The following MME variants were observed in gnomAD, a reference collection of about 807,000 sequenced individuals.
MME encodes neprilysin.
MME carries 98 observed loss-of-function variants against 113.2 expected under a neutral mutation model. That is an observed-to-expected ratio of 0.87 (90% confidence interval 0.74 to 1.02). MME has a LOEUF of 1.02. Ranked by LOEUF, MME falls within the 50% of genes least tolerant of loss-of-function variation. MME has a pLI of 0.00. For missense variants in MME, 836 were observed against 896.0 expected, an observed-to-expected ratio of 0.93 and a Z score of 0.86; for synonymous variants, 292 against 300.6, an observed-to-expected ratio of 0.97 and a Z score of 0.30.
intron 8 of MME, among the ~76,000 whole-genome samples, chr3:155,126,760 G>C (rs1719694428): frequency 6.6e-6 from 1 of 152,034 alleles, no homozygotes; most frequent in Non-Finnish European, 1.5e-5. Context: ...TGCACTTTGG[G>C]AGGCCAAGGC....
chr3:155,152,359 C>T (rs1204361779), intron 16 of MME, among the ~76,000 whole-genome samples: 2 of 152,104 alleles, frequency 1.3e-5, no homozygotes, highest in Non-Finnish European at 2.9e-5. Context: ...GGTCAAAGTA[C>T]CAGTACATTT....
intron 16 of MME, among the ~76,000 whole-genome samples, chr3:155,149,942 GAA>G (rs1174257744): frequency 6.6e-6 from 1 of 152,184 alleles, no homozygotes; most frequent in Non-Finnish European, 1.5e-5. Context: ...ATCTGGGAAA[GAA>G]AGAGAGTGAA....
At chr3:155,074,535 G>A (rs948634983) in intron 1 of MME, among the ~76,000 whole-genome samples, 4 of 151,736 alleles carry the variant, frequency 2.6e-5, no homozygotes, top group African/African-American at 4.8e-5. Context: ...ACATTCAAGC[G>A]ATTCTCCTAC....
chr3:155,096,342 T>G (rs541303639), intron 3 of MME, among the ~76,000 whole-genome samples: 4 of 152,184 alleles, frequency 2.6e-5, no homozygotes, highest in Non-Finnish European at 5.9e-5. Flanking sequence ...AATAACATTT[T>G]GGTGCCCCTG....
intron 15 of MME, among the ~76,000 whole-genome samples, chr3:155,147,643 C>A (rs1434795066): frequency 1.3e-5 from 2 of 152,124 alleles, no homozygotes; most frequent in African/African-American, 4.8e-5. Flanking sequence ...ACAAAACAAA[C>A]CCTGATATTT....
chr3:155,129,864 C>T (rs1423766170), intron 8 of MME, among the ~76,000 whole-genome samples: 1 of 152,166 alleles, frequency 6.6e-6, no homozygotes, highest in African/African-American at 2.4e-5. Context: ...TTCCCATTCA[C>T]AAAATTTGTA....
intron 1 of MME, among the ~76,000 whole-genome samples, chr3:155,057,573 T>C (rs1248110101): frequency 6.6e-6 from 1 of 152,106 alleles, no homozygotes; most frequent in African/African-American, 2.4e-5. Flanking sequence ...TGTCCCACTG[T>C]AGTGAGCTCT....
intron 3 of MME, among the ~76,000 whole-genome samples, chr3:155,101,695 C>T (rs548641263): frequency 6.6e-6 from 1 of 152,286 alleles, no homozygotes; most frequent in South Asian, 2.1e-4. Flanking sequence ...TCAACACACA[C>T]CATCTGCTGG....
chr3:155,114,154 C>T (rs778952825), intron 3 of MME, among the ~76,000 whole-genome samples: 2 of 152,154 alleles, frequency 1.3e-5, no homozygotes, highest in Non-Finnish European at 2.9e-5. Flanking sequence ...CATTGCAAAA[C>T]AGTTCAACTT....
At chr3:155,030,852 A>G (rs1440255017) in intron 1 of MME, among the ~76,000 whole-genome samples, 1 of 152,206 alleles carries the variant, frequency 6.6e-6, no homozygotes, top group Non-Finnish European at 1.5e-5. Flanking sequence ...TGCCCCACAG[A>G]TGGAGAGACC....
intron 16 of MME, among the ~76,000 whole-genome samples, chr3:155,150,882 A>G (rs1029324565): frequency 6.6e-6 from 1 of 152,218 alleles, no homozygotes; most frequent in African/African-American, 2.4e-5. Flanking sequence ...AATTGCATCA[A>G]ATCATTAAGA....
intron 1 of MME, among the ~76,000 whole-genome samples, chr3:155,059,625 A>C (rs1714070135): frequency 6.6e-6 from 1 of 152,164 alleles, no homozygotes; most frequent in African/African-American, 2.4e-5. Context: ...CTATCGGCCT[A>C]TTTCATTTAT....
Position 155,138,255 on chromosome 3 carries a change from T to C in MME, c.855+19T>C, listed in dbSNP as rs201045219. 245 of 1,610,858 alleles carry C rather than the reference T, an allele frequency of 1.5e-4. No individual in the cohort carries two copies. The highest frequency in any genetic ancestry group is 1.9e-4 in the Non-Finnish European group (227 of 1,177,416). ...TGCCAATGTAAAACACATTTTTTTT[T>C]CTGATACACTGAATAATGTCAACCG... On this transcript the variant is annotated intron_variant, in intron 9 of 22. Transcript: ENST00000360490.
chr3:155,064,395 C>T (rs1714316426), intron 1 of MME, among the ~76,000 whole-genome samples: 4 of 152,186 alleles, frequency 2.6e-5, no homozygotes, highest in Admixed American at 1.3e-4. Flanking sequence ...CAAGAGAAGA[C>T]GGCCATGCAG....
At chr3:155,174,809 T>G (rs79325739) in intron 22 of MME, among the ~76,000 whole-genome samples, 2,070 of 152,250 alleles carry the variant, frequency 0.014, 28 homozygotes, top group East Asian at 0.034. Context: ...AAGAATCTAA[T>G]TCTAAGGATA....
At chr3:155,168,974 C>A (rs1443042346) in intron 20 of MME, 177 bp downstream of exon 20, 1 of 600,572 alleles carries the variant, frequency 1.7e-6, no homozygotes, top group Non-Finnish European at 2.9e-6. Flanking sequence ...AGGGTCAATA[C>A]ATTGATGTGA....
intron 16 of MME, among the ~76,000 whole-genome samples, chr3:155,151,788 A>G (rs553978134): frequency 6.6e-6 from 1 of 152,108 alleles, no homozygotes; most frequent in Non-Finnish European, 1.5e-5. Flanking sequence ...GTCTGCATCC[A>G]CCAGCTGCTA....
At chr3:155,134,177 T>C (rs2108296268) in intron 8 of MME, among the ~76,000 whole-genome samples, 1 of 152,170 alleles carries the variant, frequency 6.6e-6, no homozygotes, top group Admixed American at 6.5e-5. Context: ...ACATGTGTAG[T>C]TTTGTTACAT....
intron 1 of MME, among the ~76,000 whole-genome samples, chr3:155,030,999 A>G (rs1712951961): frequency 1.3e-5 from 2 of 152,250 alleles, no homozygotes; most frequent in African/African-American, 4.8e-5. Context: ...GGTCACAGTC[A>G]TAGCAGCACA....
Sources: gnomAD v4.1 joint callset for allele counts (sites outside exome capture counted in the v4.1 genomes callset) on GRCh38, gnomAD v4.1.1 for gene constraint, MANE v1.5 for transcripts, NCBI Gene and HGNC (gene_info 2026-07-23, HGNC 2026-07-21) for gene names.